VAC14: variants seen among roughly 807,000 people sequenced by gnomAD.
VAC14 encodes the protein VAC14 component of PIKFYVE complex.
VAC14 carries 47 observed loss-of-function variants against 85.3 expected under a neutral mutation model. The observed-to-expected ratio is 0.55, with a 90% CI of 0.44 to 0.70. The LOEUF is 0.70. VAC14 is among the 30% of genes least tolerant of loss of function. The pLI is 0.00. For missense variants in VAC14, 861 were observed against 1,004.3 expected, an observed-to-expected ratio of 0.86 and a Z score of 1.93; for synonymous variants, 447 against 430.5, an observed-to-expected ratio of 1.04 and a Z score of -0.47.
At chr16:70,692,665 T>C (rs539635745) in intron 18 of VAC14, among the ~76,000 whole-genome samples, 156 bp downstream of exon 18, 2 of 149,438 alleles carry the variant, frequency 1.3e-5, no homozygotes, top group South Asian at 4.2e-4. Context: ...AAGGGGCAAG[T>C]GGCTGCGGGG....
chr16:70,776,795 C>A (rs1418198535), intron 9 of VAC14, among the ~76,000 whole-genome samples: 1 of 144,562 alleles, frequency 6.9e-6, no homozygotes, highest in African/African-American at 2.6e-5. Context: ...GCTTGTGGGT[C>A]TTGTTTAAAA....
intron 15 of VAC14, 97 bp from the exon 16 acceptor site, chr16:70,697,354 C>A: frequency 1.0e-6 from 1 of 974,834 alleles, no homozygotes; most frequent in Non-Finnish European, 1.5e-6. Flanking sequence ...GGTCTAAGTC[C>A]CAGGGGCCTT....
At chr16:70,786,846 T>C (rs959188845) in intron 1 of VAC14, among the ~76,000 whole-genome samples, 36 of 152,100 alleles carry the variant, frequency 2.4e-4, no homozygotes, top group Non-Finnish European at 4.4e-5. Context: ...ACCAGTGATA[T>C]CACAGAAGCA....
rs765212222 is a variant in VAC14 at position 70,762,501 on chromosome 16, G to T, written c.1371+39C>A. 2 of 1,599,560 alleles carry T rather than the reference G, an allele frequency of 1.3e-6. No homozygotes were observed. Among genetic ancestry groups the T allele is most frequent in the Non-Finnish European group, 1.7e-6 (2 of 1,167,360 alleles). On this transcript the variant is annotated intron_variant, in intron 12 of 18. Transcript: ENST00000261776. The surrounding 1 kb of genome is among the most constrained non-coding windows in gnomAD (Gnocchi z 4.1). ...GTCACTAACAAGGGGAGGCAGGGCA[G>T]CCGATGTTCCATAAGTACGGGTGGC... is the stretch of plus-strand genomic sequence containing the variant.
intron 1 of VAC14, among the ~76,000 whole-genome samples, chr16:70,792,937 T>C (rs1369951363): frequency 6.6e-6 from 1 of 152,204 alleles, no homozygotes; most frequent in Non-Finnish European, 1.5e-5. Context: ...CTTCCAGATC[T>C]GAAACAGTAA....
intron 6 of VAC14, 119 bp from the exon 7 acceptor site, chr16:70,783,258 T>C (rs1267801364): frequency 3.5e-6 from 4 of 1,146,466 alleles, no homozygotes; most frequent in Non-Finnish European, 2.5e-6. Flanking sequence ...CTTTTGGACT[T>C]GTCAGGTGAT....
intron 16 of VAC14, 81 bp from the exon 17 acceptor site, chr16:70,695,704 A>G (rs1567520786): frequency 2.6e-5 from 36 of 1,396,256 alleles, no homozygotes; most frequent in Non-Finnish European, 3.5e-5. Context: ...CCCCCCCTGC[A>G]CCTGGCTTCC....
At chr16:70,706,874 T>C (rs2053930017) in intron 14 of VAC14, among the ~76,000 whole-genome samples, 1 of 152,156 alleles carries the variant, frequency 6.6e-6, no homozygotes, top group South Asian at 2.1e-4. Flanking sequence ...TGGACCCCAG[T>C]ACTTTCCTAG....
intron 10 of VAC14, among the ~76,000 whole-genome samples, chr16:70,764,550 C>T (rs1301046402): frequency 6.6e-6 from 1 of 152,220 alleles, no homozygotes; most frequent in Non-Finnish European, 1.5e-5. Flanking sequence ...CAACGCAAGT[C>T]ACAGATATAA....
intron 14 of VAC14, among the ~76,000 whole-genome samples, chr16:70,721,756 A>T (rs1477422266): frequency 2.6e-5 from 4 of 151,922 alleles, no homozygotes; most frequent in Admixed American, 2.6e-4. Context: ...CCAGCTGCGG[A>T]TTGCGGGCTG....
At chr16:70,788,265 C>A in intron 1 of VAC14, among the ~76,000 whole-genome samples, 1 of 152,196 alleles carries the variant, frequency 6.6e-6, no homozygotes, top group East Asian at 1.9e-4. Flanking sequence ...CAAAGAGGGA[C>A]CGGGCAGTGG....
intron 14 of VAC14, among the ~76,000 whole-genome samples, chr16:70,703,368 G>T (rs954558104): frequency 3.3e-5 from 5 of 150,916 alleles, no homozygotes; most frequent in Non-Finnish European, 7.3e-5. Context: ...AGGGCATAGG[G>T]GACCTCTTGT....
intron 12 of VAC14, among the ~76,000 whole-genome samples, chr16:70,749,523 G>C (rs1269100841): frequency 2.6e-5 from 4 of 152,214 alleles, no homozygotes; most frequent in Admixed American, 1.3e-4. Flanking sequence ...CTGGCAAAAA[G>C]CCCACAGCCC....
intron 14 of VAC14, among the ~76,000 whole-genome samples, chr16:70,707,801 C>CTT (rs772971983): frequency 4.2e-5 from 6 of 144,326 alleles, no homozygotes; most frequent in East Asian, 4.0e-4. Context: ...GGCCTTTTTT[C>CTT]TTTTTTTTTT....
At chr16:70,800,730 G>T (rs1596985075) in intron 1 of VAC14, 67 bp downstream of exon 1, 7 of 1,417,430 alleles carry the variant, frequency 4.9e-6, no homozygotes, top group South Asian at 4.6e-5. Flanking sequence ...GAAGGCGTGA[G>T]AAGTCCCCCT....
chr16:70,784,332 T>C (rs1248683181), intron 4 of VAC14, 112 bp from the exon 5 acceptor site: 1 of 782,754 alleles, frequency 1.3e-6, no homozygotes, highest in Non-Finnish European at 2.1e-6. Context: ...CCAAGGAAAA[T>C]GGCAGATCCT....
chr16:70,695,700 C>G (rs1443766907), intron 16 of VAC14, 77 bp from the exon 17 acceptor site: 51 of 1,403,300 alleles, frequency 3.6e-5, no homozygotes, highest in African/African-American at 2.8e-5. Flanking sequence ...CCCTCCCCCC[C>G]TGCACCTGGC....
chr16:70,734,769 A>T (rs1397897099), intron 13 of VAC14, among the ~76,000 whole-genome samples: 2 of 150,086 alleles, frequency 1.3e-5, no homozygotes, highest in East Asian at 3.9e-4. Flanking sequence ...AGTATCTAAC[A>T]CCCTAAAAAC....
intron 14 of VAC14, among the ~76,000 whole-genome samples, chr16:70,708,864 C>T (rs189261260): frequency 1.3e-5 from 2 of 152,336 alleles, no homozygotes; most frequent in African/African-American, 4.8e-5. Context: ...ACCATTGTCC[C>T]CCGGCCATGA....
Sources: allele counts gnomAD v4.1 joint callset (sites outside exome capture counted in the v4.1 genomes callset), GRCh38; gene constraint gnomAD v4.1.1; non-coding constraint Gnocchi (gnomAD v3.1); transcripts MANE v1.5; gene names NCBI Gene and HGNC (gene_info 2026-07-23, HGNC 2026-07-21).